Variants in POTEB2 observed in about 807,000 individuals in gnomAD.
The protein encoded by POTEB2 is POTE ankyrin domain family member B2, also known as POTE ankyrin domain family, member B2.
In POTEB2, 1 loss-of-function variant was observed where a neutral mutation model predicts 1.8. The ratio of observed to expected loss-of-function variants is 0.55; its 90% CI spans 0.20 to 2.62. The LOEUF (loss-of-function observed/expected upper bound fraction) is 2.62. POTEB2 is among the 30% of genes most tolerant of loss of function. The pLI is 0.24.
chr15:20,839,232 T>A (rs1386323898), intron 9 of POTEB2, among the ~76,000 whole-genome samples: 1 of 118,416 alleles, frequency 8.4e-6, no homozygotes, highest in Non-Finnish European at 1.7e-5. Context: ...AATAAATAAA[T>A]AAATAAATAA....
intron 9 of POTEB2, among the ~76,000 whole-genome samples, chr15:20,839,194 GC>G (rs1889407743): frequency 9.1e-6 from 1 of 109,496 alleles, no homozygotes; most frequent in East Asian, 3.1e-4. Context: ...GACCCTGAAA[GC>G]AAAAGCAACA....
At chr15:20,839,089 C>G (rs1355164137) in intron 9 of POTEB2, among the ~76,000 whole-genome samples, 1 of 33,364 alleles carries the variant, frequency 3.0e-5, no homozygotes, top group African/African-American at 2.0e-4. Context: ...AATTGGATCT[C>G]TATCTCTCAC....
intron 10 of POTEB2, among the ~76,000 whole-genome samples, chr15:20,836,550 G>A (rs758127623): frequency 6.3e-4 from 14 of 22,262 alleles, no homozygotes; most frequent in African/African-American, 2.7e-3. Flanking sequence ...AATACAAATG[G>A]TAAATAAGAT....
intron 9 of POTEB2, among the ~76,000 whole-genome samples, chr15:20,839,890 A>ATATATATATATTAAAGAAAAT (rs1555393681): frequency 1.5e-3 from 4 of 2,612 alleles, no homozygotes; most frequent in Non-Finnish European, 3.7e-3. Context: ...ATATATATAT[A>ATATATATATATTAAAGAAAAT]TATATATATA....
chr15:20,840,692 CAG>C lies in POTEB2; in HGVS notation c.1299-3327_1299-3326del, dbSNP rs1258538251. Among the ~76,000 whole-genome samples the C allele has an allele frequency of 1.7e-4, 8 of 46,030 alleles. 3 individuals carry two copies. The allele number at this position is 46,030 out of a possible 152,430, so 30.2% of individuals were successfully genotyped here. ...AAATACGTATTTTAAAAAAGGAAAA[CAG>C]ATCTTCCTGAGAGCTATTATTAACC... On this transcript the variant is annotated intron_variant, in intron 9 of 10. Transcript: ENST00000454856.
At chr15:20,839,180 T>C (rs866785875) in intron 9 of POTEB2, among the ~76,000 whole-genome samples, 2 of 104,350 alleles carry the variant, frequency 1.9e-5, no homozygotes, top group African/African-American at 8.9e-5. Context: ...TAATTTATGA[T>C]GAGGACCCTG....
At chr15:20,836,578 TC>T (rs1274767188) in intron 10 of POTEB2, among the ~76,000 whole-genome samples, 1 of 19,196 alleles carries the variant, frequency 5.2e-5, no homozygotes, top group Non-Finnish European at 8.6e-5. Flanking sequence ...ACAAGGCTTT[TC>T]TTAGAAATCA....
At chr15:20,839,244 G>T (rs865877198) in intron 9 of POTEB2, among the ~76,000 whole-genome samples, 2 of 118,384 alleles carry the variant, frequency 1.7e-5, no homozygotes, top group African/African-American at 3.7e-5. Flanking sequence ...AATAAATAAA[G>T]ACCTAATTAA....
At chr15:20,852,751 TG>T (rs1889565510) in intron 6 of POTEB2, among the ~76,000 whole-genome samples, 1 of 113,110 alleles carries the variant, frequency 8.8e-6, no homozygotes, top group African/African-American at 3.2e-5. Context: ...AGCTTCCAGT[TG>T]GCATCTAGCA....
Position 20,835,975 on chromosome 15 carries a change from C to T in POTEB2, c.1423-372G>A, listed in dbSNP as rs879274200. 1.2e-3 allele frequency among the ~76,000 whole-genome samples: 10 copies of T among 8,112 alleles called. No individual in the cohort carries two copies. In the African/African-American group the frequency reaches 0.013, roughly 11 times the overall value. The allele number at this position is 8,112 out of a possible 152,430, so 5.3% of individuals were successfully genotyped here. On this transcript the variant is annotated intron_variant, in intron 10 of 10. Transcript: ENST00000454856. ...ACAAACCACACCATCATAAGAGCCT[C>T]AGCTATGCATATATTAGGACAGAAG...
chr15:20,836,406 C>CAA, intron 10 of POTEB2, among the ~76,000 whole-genome samples: 1 of 84,676 alleles, frequency 1.2e-5, no homozygotes, highest in East Asian at 5.2e-4. Flanking sequence ...CACACACACA[C>CAA]ACACACACAC....
intron 10 of POTEB2, among the ~76,000 whole-genome samples, chr15:20,836,384 T>TACACACACACACAC (rs746016487): frequency 3.6e-5 from 2 of 55,702 alleles, no homozygotes; most frequent in African/African-American, 1.1e-4. Flanking sequence ...CCATCTAGAA[T>TACACACACACACAC]ACACACACAC....
At chr15:20,839,282 A>G (rs556708754) in intron 9 of POTEB2, among the ~76,000 whole-genome samples, 2 of 109,632 alleles carry the variant, frequency 1.8e-5, no homozygotes, top group Admixed American at 2.2e-4. Flanking sequence ...CAGCAAAAGA[A>G]ATAATCATCA....
In POTEB2 at chr15:20,860,745, G is replaced by GA. The variant is rs1324393336; in HGVS notation, c.699+296dup. ...ATTTTGTCATTTTACATTTGTTAGG[G>GA]AAAAAAAAACTTGGCAGGGAAAAAT... On this transcript the variant is annotated intron_variant, in intron 3 of 10. Coordinates refer to ENST00000454856, the MANE Select transcript of POTEB2 (RefSeq NM_001277303.1). Among the ~76,000 whole-genome samples the GA allele has an allele frequency of 1.4e-3, 22 of 15,906 alleles. 8 individuals are homozygous for GA. The highest frequency in any genetic ancestry group is 0.012 in the African/African-American group (19 of 1,532). 10.4% of individuals were successfully genotyped at this position (15,906 alleles called of 152,430 possible).
At chr15:20,860,428 C>A (rs1258728823) in intron 3 of POTEB2, among the ~76,000 whole-genome samples, 1 of 47,704 alleles carries the variant, frequency 2.1e-5, no homozygotes, top group African/African-American at 1.1e-4. Context: ...CACACACACA[C>A]ACACACACAC....
Position 20,860,465 on chromosome 15 carries a change from A to AC in POTEB2, c.699+576_699+577insG, listed in dbSNP as rs879375369. Among the ~76,000 whole-genome samples the AC allele has an allele frequency of 5.6e-3, 227 of 40,354 alleles. 61 individuals carry two copies. Among genetic ancestry groups the AC allele is most frequent in the African/African-American group, 0.03 (215 of 7,086 alleles). 26.5% of individuals were successfully genotyped at this position (40,354 alleles called of 152,430 possible). On this transcript the variant is annotated intron_variant, in intron 3 of 10. Coordinates refer to ENST00000454856, the MANE Select transcript of POTEB2 (RefSeq NM_001277303.1). ...AACAAAAACAAAAACAAAAACAAAAAAAAACCTCTTCATGGTCTTTTCCCC... is the reference window on the plus strand; with the variant it reads ...AACAAAAACAAAAACAAAAACAAAAACAAAACCTCTTCATGGTCTTTTCCCC...
At chr15:20,838,997 T>C (rs367723654) in intron 9 of POTEB2, among the ~76,000 whole-genome samples, 7 of 34,472 alleles carry the variant, frequency 2.0e-4, no homozygotes, top group East Asian at 1.2e-3. Context: ...TGAGAAAGGA[T>C]ACAAAAACAT....
chr15:20,862,741 TCTC>T (rs1350536085), intron 1 of POTEB2, among the ~76,000 whole-genome samples: 2 of 122,900 alleles, frequency 1.6e-5, no homozygotes, highest in African/African-American at 6.6e-5. Flanking sequence ...GTCTGTGTGT[TCTC>T]CTCATTTAGC....
intron 9 of POTEB2, among the ~76,000 whole-genome samples, chr15:20,839,922 ATG>A (rs1463496360): frequency 6.5e-5 from 7 of 107,428 alleles, no homozygotes; most frequent in African/African-American, 1.1e-4. Context: ...ATATATATAT[ATG>A]TATGTATGTA....
Sources: gnomAD v4.1 joint callset for allele counts (sites outside exome capture counted in the v4.1 genomes callset) on GRCh38, gnomAD v4.1.1 for gene constraint, MANE v1.5 for transcripts, NCBI Gene and HGNC (gene_info 2026-07-23, HGNC 2026-07-21) for gene names.